The following DGCR2 variants were observed in gnomAD, a reference collection of about 807,000 sequenced individuals.
DGCR2 encodes the protein DiGeorge syndrome critical region gene 2.
DGCR2 carries 24 observed loss-of-function variants against 51.6 expected under a neutral mutation model. The observed-to-expected ratio is 0.47, with a 90% CI of 0.34 to 0.65. DGCR2 has a LOEUF of 0.65. DGCR2 is among the 30% of genes least tolerant of loss of function. The pLI, the probability that DGCR2 is intolerant of heterozygous loss-of-function variation, is 0.01. For synonymous variants in DGCR2, 340 were observed against 315.4 expected (o/e 1.08, Z -0.82); for missense variants, 765 against 772.1 (o/e 0.99, Z 0.11).
At chr22:19,084,453 C>A (rs1274844225) in intron 2 of DGCR2, among the ~76,000 whole-genome samples, 1 of 151,304 alleles carries the variant, frequency 6.6e-6, no homozygotes, top group Non-Finnish European at 1.5e-5. Flanking sequence ...GCAGCCGCCC[C>A]GTCTGAGAAG....
At chr22:19,110,507 A>G (rs568854539) in intron 1 of DGCR2, among the ~76,000 whole-genome samples, 48 of 152,308 alleles carry the variant, frequency 3.2e-4, no homozygotes, top group Admixed American at 2.9e-3. Context: ...TACCTAATGC[A>G]TGCGGGGCTT....
intron 1 of DGCR2, among the ~76,000 whole-genome samples, chr22:19,111,927 A>G (rs1026043991): frequency 2.0e-5 from 3 of 151,658 alleles, no homozygotes; most frequent in African/African-American, 7.3e-5. Context: ...TGACAAAAGT[A>G]CATCAACGAA....
intron 5 of DGCR2, among the ~76,000 whole-genome samples, chr22:19,060,322 A>C (rs556376386): frequency 1.3e-5 from 2 of 152,228 alleles, no homozygotes; most frequent in African/African-American, 4.8e-5. Flanking sequence ...GCACCAGAGA[A>C]AGAAGAAGAC....
At position 19,113,094 on chromosome 22, in the gene DGCR2, A is replaced by G. The variant is rs977641867; in HGVS notation, c.79+9034T>C. On this transcript the variant is annotated intron_variant, in intron 1 of 9. Transcript: ENST00000263196. ...TAGAACTAAAGAAACAGTATGGGCC[A>G]GGCACAGTGGCTCACGGCTGTAATA... 6.8e-5 allele frequency among the ~76,000 whole-genome samples: 7 copies of G among 103,356 alleles called. 1 individual carries two copies. The highest frequency in any genetic ancestry group is 1.1e-4 in the Non-Finnish European group (5 of 44,390). The allele number at this position is 103,356 out of a possible 152,430, so 67.8% of individuals were successfully genotyped here.
chr22:19,082,222 C>CTTTTTTTTTTTT (rs56725898), intron 2 of DGCR2, among the ~76,000 whole-genome samples: 1 of 88,068 alleles, frequency 1.1e-5, no homozygotes, highest in Admixed American at 1.4e-4. Flanking sequence ...CTAATTATTT[C>CTTTTTTTTTTTT]TTTTTTTTTT....
chr22:19,083,540 C>A (rs961551010), intron 2 of DGCR2, among the ~76,000 whole-genome samples: 1 of 152,176 alleles, frequency 6.6e-6, no homozygotes, highest in Non-Finnish European at 1.5e-5. Context: ...TTAAAAGATT[C>A]GGTCTTCCTA....
chr22:19,060,854 G>C (rs758547760), intron 5 of DGCR2: 5 of 515,856 alleles, frequency 9.7e-6, no homozygotes, highest in Non-Finnish European at 1.9e-5. Context: ...AGGCGCACAG[G>C]AACCCTGCGG....
chr22:19,079,569 A>T (rs138424349), intron 2 of DGCR2, among the ~76,000 whole-genome samples: 7 of 152,342 alleles, frequency 4.6e-5, no homozygotes, highest in African/African-American at 1.7e-4. Flanking sequence ...TTATTACATG[A>T]ATAAAGTAAC....
intron 1 of DGCR2, among the ~76,000 whole-genome samples, chr22:19,089,869 C>G (rs2083059427): frequency 6.6e-6 from 1 of 152,274 alleles, no homozygotes; most frequent in Non-Finnish European, 1.5e-5. Flanking sequence ...GCATGTACCA[C>G]TGTGCCTGGC....
At chr22:19,062,783 T>TCTCTCTCTCACTCTCTCTCTCA in intron 5 of DGCR2, among the ~76,000 whole-genome samples, 1 of 139,456 alleles carries the variant, frequency 7.2e-6, no homozygotes, top group South Asian at 2.5e-4. Context: ...ATGCTCACTC[T>TCTCTCTCTCACTCTCTCTCTCA]CTCTCTCTCT....
intron 1 of DGCR2, among the ~76,000 whole-genome samples, chr22:19,108,148 A>T (rs1301487237): frequency 6.6e-6 from 1 of 152,214 alleles, no homozygotes; most frequent in Non-Finnish European, 1.5e-5. Context: ...GGGAAGGAGA[A>T]GAACTTCGTA....
intron 1 of DGCR2, among the ~76,000 whole-genome samples, chr22:19,101,811 T>G (rs2083205688): frequency 6.6e-6 from 1 of 150,694 alleles, no homozygotes; most frequent in African/African-American, 2.4e-5. Context: ...TCCTAGAACT[T>G]TGGGAGGCCG....
intron 2 of DGCR2, among the ~76,000 whole-genome samples, chr22:19,076,408 G>A (rs895463120): frequency 1.3e-5 from 2 of 151,782 alleles, no homozygotes; most frequent in Non-Finnish European, 2.9e-5. Context: ...CAAGTGATCC[G>A]CCCGCCTCGG....
chr22:19,054,259 A>G (rs952365700), intron 6 of DGCR2, among the ~76,000 whole-genome samples: 1 of 152,268 alleles, frequency 6.6e-6, no homozygotes, highest in Non-Finnish European at 1.5e-5. Flanking sequence ...GGTCCACAGT[A>G]TCTTCAGTTT....
Position 19,065,049 on chromosome 22 carries a change from G to A in DGCR2, c.347C>T (p.Pro116Leu), listed in dbSNP as rs374854258. ...GCCTTCGTAGTGGTGCCACCCTGTC[G>A]GGCACTTCCCTAGGAAACATAAAGG... is the stretch of plus-strand genomic sequence containing the variant. The part of the protein sequence containing the change: ...VRFSSFLGKC[P>L]TGWHHYEGTA... The change falls in exon 4 of 10, where the codon CCG (proline) becomes CTG (leucine). Residue 116 changes from proline (P) to leucine (L), a missense_variant. This residue lies in a region of DGCR2 where 370 missense variants were observed against 325.5 expected (regional missense o/e 1.14). Transcript: ENST00000263196. 1.9e-5 allele frequency: 30 copies of A among 1,613,728 alleles called. No individual in the cohort carries two copies. Among genetic ancestry groups the A allele is most frequent in the Middle Eastern group, 1.6e-4 (1 of 6,084 alleles).
intron 7 of DGCR2, among the ~76,000 whole-genome samples, chr22:19,043,035 A>G (rs1481516724): frequency 6.6e-6 from 1 of 152,138 alleles, no homozygotes; most frequent in African/African-American, 2.4e-5. Context: ...ACACGCACCA[A>G]GCGCAGGTGT....
intron 2 of DGCR2, among the ~76,000 whole-genome samples, chr22:19,088,766 G>T (rs111332548): frequency 6.6e-6 from 1 of 152,140 alleles, no homozygotes; most frequent in East Asian, 1.9e-4. Context: ...TGAGAACAAC[G>T]GATCCAGTGA....
At chr22:19,115,911 G>A (rs1424843149) in intron 1 of DGCR2, among the ~76,000 whole-genome samples, 1 of 152,202 alleles carries the variant, frequency 6.6e-6, no homozygotes, top group Non-Finnish European at 1.5e-5. Flanking sequence ...TCACATTTCA[G>A]TTCAGGGTTC....
intron 1 of DGCR2, among the ~76,000 whole-genome samples, chr22:19,116,929 T>C (rs1472831136): frequency 6.6e-6 from 1 of 151,510 alleles, no homozygotes; most frequent in Non-Finnish European, 1.5e-5. Context: ...CTGCCACTAC[T>C]GCTAAGAGGA....
Sources: allele counts gnomAD v4.1 joint callset (sites outside exome capture counted in the v4.1 genomes callset), GRCh38; gene constraint gnomAD v4.1.1; regional missense constraint gnomAD v4.1.1; transcripts MANE v1.5; gene names NCBI Gene and HGNC (gene_info 2026-07-23, HGNC 2026-07-21).